Variants in TANC2 observed in about 807,000 individuals in gnomAD.
The protein encoded by TANC2 is protein TANC2.
TANC2 carries 26 observed loss-of-function variants against 210.5 expected under a neutral mutation model. The ratio of observed to expected loss-of-function variants is 0.12; its 90% CI spans 0.09 to 0.17. The LOEUF (loss-of-function observed/expected upper bound fraction) is 0.17, where lower values mean the gene tolerates loss of function less well. Among genes scored for constraint, TANC2 ranks in the 10% least tolerant of loss-of-function variants. The pLI, the probability that TANC2 is intolerant of heterozygous loss-of-function variation, is 1.00. For missense variants in TANC2, 2,129 were observed against 2,608.9 expected (o/e 0.82, Z 4.01); for synonymous variants, 931 against 967.1 (o/e 0.96, Z 0.69).
chr17:63,407,196 A>AT (rs561920972), intron 21 of TANC2, among the ~76,000 whole-genome samples: 1 of 152,134 alleles, frequency 6.6e-6, no homozygotes, highest in Non-Finnish European at 1.5e-5. Context: ...CTTAAGTAAG[A>AT]TTTTTTTCCA....
chr17:63,370,205 G>A (rs547620235), intron 14 of TANC2, among the ~76,000 whole-genome samples: 1 of 136,016 alleles, frequency 7.4e-6, no homozygotes, highest in Non-Finnish European at 1.5e-5. Flanking sequence ...TTGAGACAGA[G>A]TCTCTCTCTG....
chr17:63,166,128 C>T (rs1047240304), intron 5 of TANC2, among the ~76,000 whole-genome samples: 1 of 152,160 alleles, frequency 6.6e-6, no homozygotes, highest in Non-Finnish European at 1.5e-5. Flanking sequence ...CTCTGTATAT[C>T]CCATCTCTAC....
intron 25 of TANC2, 31 bp downstream of exon 25, chr17:63,413,665 G>C: frequency 1.3e-6 from 2 of 1,537,738 alleles, no homozygotes; most frequent in South Asian, 1.2e-5. Flanking sequence ...AGTTTCTTCA[G>C]AACAGCCACT....
intron 4 of TANC2, among the ~76,000 whole-genome samples, chr17:63,146,429 T>TGGG (rs1397125895): frequency 6.6e-6 from 1 of 152,202 alleles, no homozygotes; most frequent in Non-Finnish European, 1.5e-5. Flanking sequence ...CCTACCACAC[T>TGGG]GGACAATTAA....
chr17:63,314,039 C>G (rs866700608), intron 9 of TANC2, among the ~76,000 whole-genome samples: 8 of 152,308 alleles, frequency 5.3e-5, no homozygotes, highest in African/African-American at 1.4e-4. Context: ...TAGCAGGAGG[C>G]CTTTAGGTCC....
At chr17:63,019,049 A>C (rs754079505) in intron 2 of TANC2, among the ~76,000 whole-genome samples, 6 of 152,150 alleles carry the variant, frequency 3.9e-5, no homozygotes, top group Non-Finnish European at 8.8e-5. Flanking sequence ...TTATTTCTCT[A>C]GGGCAAATGT....
At chr17:63,372,638 A>C (rs2047304593) in intron 14 of TANC2, among the ~76,000 whole-genome samples, 1 of 152,206 alleles carries the variant, frequency 6.6e-6, no homozygotes, top group South Asian at 2.1e-4. Context: ...TGTCTCACAA[A>C]GAGGTTCAGT....
intron 25 of TANC2, chr17:63,414,149 C>T (rs1349363734): frequency 6.6e-6 from 1 of 152,356 alleles, no homozygotes; most frequent in African/African-American, 2.4e-5. Context: ...GCTTTTTGTA[C>T]TCACAGTCCA....
chr17:63,227,425 G>C (rs1156545323), intron 7 of TANC2, among the ~76,000 whole-genome samples: 2 of 152,072 alleles, frequency 1.3e-5, no homozygotes, highest in Non-Finnish European at 2.9e-5. Flanking sequence ...TATGTCCTTT[G>C]CCCAGTTTTT....
Position 63,027,403 on chromosome 17 carries a change from AT to A in TANC2, c.67+17782del, listed in dbSNP as rs527351430. On this transcript the variant is annotated intron_variant, in intron 2 of 27. Transcript: ENST00000689528. ...TATATGATTTTGTCCTTAATACGCT[AT>A]TTTTCATAGGTATATTTTGATATAG... Among the ~76,000 whole-genome samples the A allele has an allele frequency of 3.3e-5, 5 of 152,106 alleles. No homozygotes were observed. In the South Asian group the frequency reaches 1.0e-3, roughly 31 times the overall value.
At chr17:63,048,454 T>C (rs2144350093) in intron 2 of TANC2, among the ~76,000 whole-genome samples, 1 of 152,338 alleles carries the variant, frequency 6.6e-6, no homozygotes, top group South Asian at 2.1e-4. Flanking sequence ...TTTAAGTCTT[T>C]AATCCATCTT....
chr17:62,989,649 A>G (rs2032753452), intron 1 of TANC2, among the ~76,000 whole-genome samples: 1 of 152,114 alleles, frequency 6.6e-6, no homozygotes, highest in Non-Finnish European at 1.5e-5. Flanking sequence ...CGACAAAAGA[A>G]TTCTGTAATA....
intron 8 of TANC2, among the ~76,000 whole-genome samples, chr17:63,246,243 CT>C (rs141334352): frequency 2.7e-5 from 4 of 148,100 alleles, no homozygotes; most frequent in East Asian, 2.0e-4. Flanking sequence ...CTGGCCAGAA[CT>C]TTTTTTTTTG....
chr17:63,060,344 G>A (rs1466723101), intron 2 of TANC2, among the ~76,000 whole-genome samples: 1 of 152,200 alleles, frequency 6.6e-6, no homozygotes, highest in African/African-American at 2.4e-5. Context: ...GTTTGGGCTG[G>A]GCGTGGTGGC....
chr17:63,385,916 A>G (rs923080537), intron 15 of TANC2, among the ~76,000 whole-genome samples: 9 of 152,234 alleles, frequency 5.9e-5, no homozygotes, highest in Non-Finnish European at 1.3e-4. Context: ...CTACTCTGCT[A>G]GGATTTGACC....
chr17:63,364,265 C>T (rs1032723493), intron 14 of TANC2, among the ~76,000 whole-genome samples: 4 of 152,316 alleles, frequency 2.6e-5, no homozygotes, highest in Admixed American at 2.6e-4. Flanking sequence ...CAGCATAAAT[C>T]ATAGGATCGA....
At chr17:63,395,705 G>C in intron 17 of TANC2, 38 bp from the exon 18 acceptor site, 6 of 1,596,100 alleles carry the variant, frequency 3.8e-6, no homozygotes, top group Non-Finnish European at 5.1e-6. Context: ...TCAGCCACAA[G>C]TCTGTGTTCA....
intron 8 of TANC2, among the ~76,000 whole-genome samples, chr17:63,244,689 G>A (rs1339572231): frequency 6.6e-6 from 1 of 152,132 alleles, no homozygotes; most frequent in African/African-American, 2.4e-5. Flanking sequence ...TTATCCATTT[G>A]TAAACCGCCG....
intron 5 of TANC2, among the ~76,000 whole-genome samples, chr17:63,167,465 G>A (rs2040248229): frequency 6.6e-6 from 1 of 152,000 alleles, no homozygotes; most frequent in Admixed American, 6.6e-5. Context: ...TTCTAACTTA[G>A]TTTATTTCAT....
Sources: gnomAD v4.1 joint callset for allele counts (sites outside exome capture counted in the v4.1 genomes callset) on GRCh38, gnomAD v4.1.1 for gene constraint, MANE v1.5 for transcripts, NCBI Gene and HGNC (gene_info 2026-07-23, HGNC 2026-07-21) for gene names.